DPAGT1: variants seen among roughly 807,000 people sequenced by gnomAD.
DPAGT1 encodes UDP-N-acetylglucosamine--dolichyl-phosphate N-acetylglucosaminephosphotransferase.
DPAGT1 carries 25 observed loss-of-function variants against 39.3 expected under a neutral mutation model. The ratio of observed to expected loss-of-function variants is 0.64; its 90% CI spans 0.46 to 0.89. DPAGT1 has a LOEUF of 0.89. Ranked by LOEUF, DPAGT1 falls within the 40% of genes least tolerant of loss-of-function variation. The pLI, the probability that DPAGT1 is intolerant of heterozygous loss-of-function variation, is 0.00. For missense variants in DPAGT1, 381 were observed against 500.6 expected (o/e 0.76, Z 2.28); for synonymous variants, 193 against 201.4 (o/e 0.96, Z 0.36).
chr11:119,099,270 C>T (rs916893987), intron 4 of DPAGT1, among the ~76,000 whole-genome samples: 1 of 151,774 alleles, frequency 6.6e-6, no homozygotes, highest in Non-Finnish European at 1.5e-5. Flanking sequence ...ACTAGAAATA[C>T]AAAATTAGCT....
downstream of DPAGT1, chr11:119,094,958 C>G (rs751244870): frequency 1.4e-5 from 22 of 1,594,106 alleles, no homozygotes; most frequent in Admixed American, 4.0e-4. Context: ...GCGGCGCGGG[C>G]CCTCTTAGTA....
rs970354016 is a variant in DPAGT1, at chr11:119,096,608, T to C, written c.*390A>G. On this transcript the variant is annotated 3_prime_UTR_variant, in exon 9 of 9. Transcript: ENST00000354202. ...ACTTAATTTACAATCAAATGACATG[T>C]CACCGTGGAGCCTGTGTTCCTAGCC... 28 of 349,540 alleles carry C rather than the reference T, an allele frequency of 8.0e-5. No individual in the cohort carries two copies. The highest frequency in any genetic ancestry group is 1.4e-4 in the Non-Finnish European group (27 of 186,302). 21.7% of individuals were successfully genotyped at this position (349,540 alleles called of 1,614,324 possible).
At chr11:119,094,609 A>C, downstream of DPAGT1, 2 of 182,422 alleles carry the variant, frequency 1.1e-5, no homozygotes, top group Non-Finnish European at 1.1e-5. Context: ...CGAGGCGGGC[A>C]GGTGCGGCGC....
downstream of DPAGT1, chr11:119,095,480 G>T (rs985422288): frequency 1.4e-6 from 2 of 1,393,658 alleles, no homozygotes; most frequent in African/African-American, 1.5e-5. Flanking sequence ...CGCGCGCGCC[G>T]CGAGGCCGCC....
chr11:119,097,027 G>C lies in DPAGT1; in HGVS notation c.1198C>G (p.Gln400Glu). The change falls in exon 9 of 9, where the codon CAG becomes GAG. Residue 400 changes from glutamine (Q) to glutamate (E), a missense_variant. By Grantham distance (29) the Gln-to-Glu change is conservative. Transcript: ENST00000354202. This position sits in a 1 kb window ranked among gnomAD's most constrained non-coding sequence, Gnocchi z 4.6. ...GSAITFSIRY[Q>E]LVRLFYDV ...ACATCATAGAAGAGTCGAACGAGCT[G>C]ATATCGAATGGAGAAGGTGATGGCA... 1 of 1,614,192 alleles carries C rather than the reference G, an allele frequency of 6.2e-7. No individual in the cohort carries two copies. The highest frequency in any genetic ancestry group is 1.3e-5 in the African/African-American group (1 of 75,046).
chr11:119,098,090 A>G (rs1565763518), intron 5 of DPAGT1, 47 bp from the exon 6 acceptor site: 1 of 1,610,882 alleles, frequency 6.2e-7, no homozygotes, highest in Non-Finnish European at 8.5e-7. Context: ...GGCATTACCA[A>G]TCCCTTCTCT....
At chr11:119,099,503 G>A (rs1946456319) in intron 4 of DPAGT1, among the ~76,000 whole-genome samples, 2 of 151,760 alleles carry the variant, frequency 1.3e-5, no homozygotes, top group South Asian at 2.1e-4. Context: ...TTAAGAAATG[G>A]TAGGAACTGG....
rs374531996 is a variant in DPAGT1, at chr11:119,096,649, T to A, written c.*349A>T. ...GTTCCTAGCCCTGGCCCAAGTTCTA[T>A]CCCAAAAACCAGTGGTTCCTTGAGA... On this transcript the variant is annotated 3_prime_UTR_variant, in exon 9 of 9. Coordinates refer to ENST00000354202, the MANE Select transcript of DPAGT1 (RefSeq NM_001382.4). The A allele has an allele frequency of 4.9e-6, 2 of 410,974 alleles. No individual in the cohort carries two copies. Among genetic ancestry groups the A allele is most frequent in the Admixed American group, 4.0e-5 (1 of 25,212 alleles). The allele number at this position is 410,974 out of a possible 1,614,324, so 25.5% of individuals were successfully genotyped here.
intron 1 of DPAGT1, 38 bp downstream of exon 1, chr11:119,101,457 C>T (rs1366155631): frequency 6.2e-7 from 1 of 1,613,720 alleles, no homozygotes; most frequent in Non-Finnish European, 8.5e-7. Context: ...CCTTCCTTAG[C>T]CCTTGCCCCC....
Position 119,097,043 on chromosome 11 carries a change from G to A in DPAGT1, c.1182C>T (p.Thr394=). ...LLLQILGSAI[T]FSIRYQLVRL... ...GAACGAGCTGATATCGAATGGAGAA[G>A]GTGATGGCACTGCCCAGGATCTGCA... The change falls in exon 9 of 9, where the codon ACC becomes ACT. Residue 394 remains threonine (T), a synonymous_variant. Coordinates refer to ENST00000354202, the MANE Select transcript of DPAGT1 (RefSeq NM_001382.4). The surrounding 1 kb of genome is among the most constrained non-coding windows in gnomAD (Gnocchi z 4.6). The A allele has an allele frequency of 6.2e-7, 1 of 1,614,138 alleles. No homozygotes were observed. The highest frequency in any genetic ancestry group is 8.5e-7 in the Non-Finnish European group (1 of 1,180,026).
At position 119,097,574 on chromosome 11, in the gene DPAGT1, T is replaced by C. The variant is rs1275504445; in HGVS notation, c.918-23A>G. ...AGTCTGCGGGGGGAAGATAGCTTCATGTGACTGGGCCACTATTTGAACCCT... is the reference window on the plus strand; with the variant it reads ...AGTCTGCGGGGGGAAGATAGCTTCACGTGACTGGGCCACTATTTGAACCCT... On this transcript the variant is annotated intron_variant, in intron 6 of 8. Transcript: ENST00000354202. This position sits in a 1 kb window ranked among gnomAD's most constrained non-coding sequence, Gnocchi z 4.6. The C allele has an allele frequency of 1.2e-6, 2 of 1,613,468 alleles. No homozygotes were observed. The highest frequency in any genetic ancestry group is 1.3e-5 in the African/African-American group (1 of 74,916).
intron 2 of DPAGT1, 46 bp downstream of exon 2, chr11:119,100,972 C>T (rs760521159): frequency 6.2e-7 from 1 of 1,614,210 alleles, no homozygotes; most frequent in Non-Finnish European, 8.5e-7. Context: ...TCTCAGGTAC[C>T]TCCCAGGTCC....
intron 1 of DPAGT1, 125 bp downstream of exon 1, chr11:119,101,370 G>T: frequency 6.4e-7 from 1 of 1,569,904 alleles, no homozygotes; most frequent in Non-Finnish European, 8.7e-7. Context: ...ACCTCTCCGA[G>T]TTCCAGGCTG....
In DPAGT1 at chr11:119,101,139, C is replaced by A; in HGVS notation, c.162-1G>T. The A allele has an allele frequency of 6.2e-7, 1 of 1,613,992 alleles. No individual in the cohort carries two copies. Among genetic ancestry groups the A allele is most frequent in the Non-Finnish European group, 8.5e-7 (1 of 1,180,020 alleles). On this transcript the variant is annotated splice_acceptor_variant, in intron 1 of 8. Coordinates refer to ENST00000354202, the MANE Select transcript of DPAGT1 (RefSeq NM_001382.4). LOFTEE classifies it high-confidence loss of function. ...GCTGATCACTCCCTGGGATTCTGGG[C>A]TGTGGCCCAGCAGCAAGGGGGCGAG...
At position 119,097,731 on chromosome 11, in the gene DPAGT1, G is replaced by A. The variant is rs1946423338; in HGVS notation, c.917+124C>T. The A allele has an allele frequency of 6.8e-7, 1 of 1,465,048 alleles. No homozygotes were observed. The highest frequency in any genetic ancestry group is 9.5e-7 in the Non-Finnish European group (1 of 1,048,510). The allele number at this position is 1,465,048 out of a possible 1,614,324, so 90.8% of individuals were successfully genotyped here. ...TAAATGTGCTTTGTAAGTTATAAAG[G>A]GCTACTCACATGGAAATAGCCCTTC... On this transcript the variant is annotated intron_variant, in intron 6 of 8. Coordinates refer to ENST00000354202, the MANE Select transcript of DPAGT1 (RefSeq NM_001382.4). This position sits in a 1 kb window ranked among gnomAD's most constrained non-coding sequence, Gnocchi z 4.6.
intron 4 of DPAGT1, among the ~76,000 whole-genome samples, chr11:119,099,780 CAAAAAAAA>C (rs57486910): frequency 7.9e-5 from 6 of 75,800 alleles, no homozygotes; most frequent in East Asian, 3.1e-4. Flanking sequence ...GACCCTGTCT[CAAAAAAAA>C]AAAAAAAAAA....
downstream of DPAGT1, chr11:119,094,080 G>C (rs899858430): frequency 2.6e-5 from 4 of 152,698 alleles, no homozygotes; most frequent in Admixed American, 1.3e-4. Context: ...GGGCGGCGTC[G>C]GGGGGCCCGA....
intron 4 of DPAGT1, among the ~76,000 whole-genome samples, chr11:119,098,744 C>T (rs1946442593): frequency 6.6e-6 from 1 of 152,200 alleles, no homozygotes; most frequent in Non-Finnish European, 1.5e-5. Flanking sequence ...AACTTTACTT[C>T]TTAGCTTTGT....
Position 119,100,627 on chromosome 11 carries a change from T to C in DPAGT1, c.496+3A>G, listed in dbSNP as rs565154071. 107 of 1,614,046 alleles carry C rather than the reference T, an allele frequency of 6.6e-5. 2 individuals are homozygous for C. In the South Asian group the frequency reaches 1.1e-3, roughly 17 times the overall value. ...TAGGGGCAGCAGTGGTAGGACTACC[T>C]ACCCAAGTCCAGATGCAGGCCAAGT... On this transcript the variant is annotated splice_donor_region_variant and intron_variant, in intron 3 of 8. Transcript: ENST00000354202.
Sources: allele counts gnomAD v4.1 joint callset (sites outside exome capture counted in the v4.1 genomes callset), GRCh38; gene constraint gnomAD v4.1.1; non-coding constraint Gnocchi (gnomAD v3.1); transcripts MANE v1.5; gene names NCBI Gene and HGNC (gene_info 2026-07-23, HGNC 2026-07-21).